The following SPAG5 variants were observed in gnomAD, a reference collection of about 807,000 sequenced individuals.
SPAG5 encodes sperm-associated antigen 5.
A neutral mutation model predicts 145.4 loss-of-function variants in SPAG5; 99 were observed. The ratio of observed to expected loss-of-function variants is 0.68; its 90% CI spans 0.58 to 0.80. The LOEUF (loss-of-function observed/expected upper bound fraction) is 0.80. SPAG5 is among the 30% of genes least tolerant of loss of function. The pLI is 0.00. For synonymous variants in SPAG5, 477 were observed against 525.4 expected (o/e 0.91, Z 1.26); for missense variants, 1,192 against 1,416.0 (o/e 0.84, Z 2.54).
In SPAG5 at chr17:28,590,798, G is replaced by T. The variant is rs572702097; in HGVS notation, c.1437+900C>A. Among the ~76,000 whole-genome samples, 13 of 149,080 alleles carry T rather than the reference G, an allele frequency of 8.7e-5. No homozygotes were observed. The South Asian group carries it at 2.8e-3, about 32-fold the overall frequency. ...GCAGGAGAATCGCTTGAACCTGGGA[G>T]GCAGAGGTTGCAGTGAGCCGAGACC... On this transcript the variant is annotated intron_variant, in intron 4 of 23. Coordinates refer to ENST00000321765, the MANE Select transcript of SPAG5 (RefSeq NM_006461.4).
chr17:28,583,701 C>G, intron 14 of SPAG5, 52 bp from the exon 15 acceptor site: 1 of 1,559,600 alleles, frequency 6.4e-7, no homozygotes, highest in Non-Finnish European at 8.7e-7. Context: ...CTTCTCTGAA[C>G]GCCTATCCCA....
At chr17:28,591,462 G>A (rs1258218692) in intron 4 of SPAG5, among the ~76,000 whole-genome samples, 8 of 152,180 alleles carry the variant, frequency 5.3e-5, no homozygotes, top group South Asian at 2.1e-4. Context: ...ATGGGATCTC[G>A]CTGTGTTGCC....
chr17:28,577,805 A>G, intron 23 of SPAG5, 35 bp from the exon 24 acceptor site: 2 of 1,572,658 alleles, frequency 1.3e-6, no homozygotes, highest in South Asian at 1.1e-5. Context: ...GCTCAGGACC[A>G]CAGACTTAAG....
rs143207089 is a variant in SPAG5, at chr17:28,585,359, G to C, written c.1913C>G (p.Thr638Ser). 4.6e-5 allele frequency: 75 copies of C among 1,614,096 alleles called. No homozygotes were observed. The highest frequency in any genetic ancestry group is 6.4e-5 in the Non-Finnish European group (75 of 1,180,018). The part of the protein sequence containing the change: ...EELVQQTVSL[T>S]STLQQDWRSM... ...CCTCCAGTCTTGTTGCAAGGTAGAA[G>C]TAAGACTCACTGTCTGCTGAACCAG... The change falls in exon 9 of 24, where the codon ACT (threonine) becomes AGT (serine). Residue 638 changes from threonine (T) to serine (S), a missense_variant. By Grantham distance (58) the Thr-to-Ser change is moderately conservative. Coordinates refer to ENST00000321765, the MANE Select transcript of SPAG5 (RefSeq NM_006461.4).
At chr17:28,588,005 A>C (rs1480652713) in intron 4 of SPAG5, among the ~76,000 whole-genome samples, 1 of 152,244 alleles carries the variant, frequency 6.6e-6, no homozygotes, top group Non-Finnish European at 1.5e-5. Context: ...ACCCCAGAAG[A>C]CAAGTTCTAA....
chr17:28,592,457 C>A lies in SPAG5; in HGVS notation c.787G>T (p.Val263Leu). 6.2e-7 allele frequency: 1 copy of A among 1,613,726 alleles called. No homozygotes were observed. The highest frequency in any genetic ancestry group is 1.3e-5 in the African/African-American group (1 of 75,054). ...TCTACAATTTCCTCCTCTGGGTCCA[C>A]ATGATTGACACGGAAATCTGCTGCC... ...ALAADFRVNHVDPEEEIVEHG... is the reference protein window; with the variant it reads ...ALAADFRVNHLDPEEEIVEHG... Residue 263 changes from valine to leucine, a missense_variant, in exon 3 of 24, where the codon GTG becomes TTG. Coordinates refer to ENST00000321765, the MANE Select transcript of SPAG5 (RefSeq NM_006461.4).
chr17:28,588,266 A>C (rs1249389503), intron 4 of SPAG5, among the ~76,000 whole-genome samples: 2 of 152,234 alleles, frequency 1.3e-5, no homozygotes, highest in African/African-American at 4.8e-5. Flanking sequence ...GGCAGCAAGG[A>C]CATGGCATGC....
chr17:28,588,787 T>C (rs1322543550), intron 4 of SPAG5, among the ~76,000 whole-genome samples: 1 of 152,146 alleles, frequency 6.6e-6, no homozygotes, highest in African/African-American at 2.4e-5. Flanking sequence ...GTTCAAGCAA[T>C]TCTCATGCCT....
intron 2 of SPAG5, among the ~76,000 whole-genome samples, chr17:28,595,896 A>C (rs965431758): frequency 7.9e-5 from 12 of 151,932 alleles, no homozygotes; most frequent in Non-Finnish European, 1.5e-4. Context: ...AAAATACAAA[A>C]ATTACCTGGG....
Position 28,585,382 on chromosome 17 carries a change from C to T in SPAG5, c.1890G>A (p.Leu630=), listed in dbSNP as rs763400183. 4 of 1,614,242 alleles carry T rather than the reference C, an allele frequency of 2.5e-6. No homozygotes were observed. The Admixed American group carries it at 6.7e-5, about 27-fold the overall frequency. ...LVGLHAKQEE[L]VQQTVSLTST... ...AAGTAAGACTCACTGTCTGCTGAACCAGCTCTTCTTGCTTGGCATGAAGCC... is the reference window on the plus strand; with the variant it reads ...AAGTAAGACTCACTGTCTGCTGAACTAGCTCTTCTTGCTTGGCATGAAGCC... The change falls in exon 9 of 24, where the codon CTG becomes CTA. Residue 630 remains leucine (L), a synonymous_variant. Transcript: ENST00000321765.
At chr17:28,598,669 AG>A in intron 1 of SPAG5, 34 bp from the exon 2 acceptor site, 1 of 1,572,678 alleles carries the variant, frequency 6.4e-7, no homozygotes, top group Non-Finnish European at 8.6e-7. Context: ...GGCGAGTGTG[AG>A]GAAGCCTGGG....
At chr17:28,584,076 T>C (rs2070566885) in intron 13 of SPAG5, 74 bp downstream of exon 13, 1 of 1,607,906 alleles carries the variant, frequency 6.2e-7, no homozygotes, top group Admixed American at 1.7e-5. Context: ...TCTCAAACCT[T>C]ACCTCAACAC....
At position 28,583,834 on chromosome 17, in the gene SPAG5, A is replaced by G. The variant is rs1447496901; in HGVS notation, c.2546+19T>C. On this transcript the variant is annotated intron_variant, in intron 14 of 23. Coordinates refer to ENST00000321765, the MANE Select transcript of SPAG5 (RefSeq NM_006461.4). ...AAAATAAGCACTTAGGGGGAAGTACAGAAAGTTAGAGAACTTACGTTAGGT... is the reference window on the plus strand; with the variant it reads ...AAAATAAGCACTTAGGGGGAAGTACGGAAAGTTAGAGAACTTACGTTAGGT... 1.9e-6 allele frequency: 3 copies of G among 1,597,926 alleles called. No homozygotes were observed. Among genetic ancestry groups the G allele is most frequent in the African/African-American group, 1.3e-5 (1 of 74,384 alleles).
chr17:28,585,159 T>G lies in SPAG5; in HGVS notation c.2010A>C (p.Thr670=), dbSNP rs758931092. The G allele has an allele frequency of 2.5e-6, 4 of 1,614,240 alleles. No homozygotes were observed. The highest frequency in any genetic ancestry group is 1.7e-5 in the Admixed American group (1 of 60,018). The change falls in exon 10 of 24, where the codon ACA becomes ACC. Residue 670 remains threonine (T), a synonymous_variant. Transcript: ENST00000321765. Reference sequence around the variant, plus strand: ...CCTGCAGGGCTTGCTGGCTCTTGACTGTGAGTTTCTCTGTGAGTTGTCGGG... The same window carrying G: ...CCTGCAGGGCTTGCTGGCTCTTGACGGTGAGTTTCTCTGTGAGTTGTCGGG... ...SRSRQLTEKL[T]VKSQQALQER...
chr17:28,598,859 C>G (rs778335327), intron 1 of SPAG5, 37 bp downstream of exon 1: 8 of 1,611,688 alleles, frequency 5.0e-6, no homozygotes, highest in Non-Finnish European at 5.9e-6. Flanking sequence ...CGACAGCAGC[C>G]CGGCCCAGTT....
At chr17:28,590,256 G>T (rs2070611344) in intron 4 of SPAG5, among the ~76,000 whole-genome samples, 1 of 152,022 alleles carries the variant, frequency 6.6e-6, no homozygotes, top group Non-Finnish European at 1.5e-5. Flanking sequence ...TTGAGGCAGG[G>T]TCTGGCTCTG....
chr17:28,579,282 C>T, intron 18 of SPAG5, 30 bp from the exon 19 acceptor site: 4 of 1,613,850 alleles, frequency 2.5e-6, no homozygotes, highest in South Asian at 1.1e-5. Flanking sequence ...AGCAACATTC[C>T]TGTCCTCTCA....
At chr17:28,596,164 C>T (rs34479761) in intron 2 of SPAG5, among the ~76,000 whole-genome samples, 4,028 of 151,774 alleles carry the variant, frequency 0.027, 83 homozygotes, top group Middle Eastern at 0.065. Flanking sequence ...AAGATTGTGC[C>T]ACTGCACTCC....
At chr17:28,593,773 G>A (rs915340304) in intron 2 of SPAG5, among the ~76,000 whole-genome samples, 4 of 151,832 alleles carry the variant, frequency 2.6e-5, no homozygotes, top group Admixed American at 6.6e-5. Flanking sequence ...ACAAAACAGA[G>A]CTGCTGGAAG....
Sources: allele counts gnomAD v4.1 joint callset (sites outside exome capture counted in the v4.1 genomes callset), GRCh38; gene constraint gnomAD v4.1.1; transcripts MANE v1.5; gene names NCBI Gene and HGNC (gene_info 2026-07-23, HGNC 2026-07-21).